Variants in ERBB3 observed in about 807,000 individuals in gnomAD.
ERBB3 encodes receptor tyrosine-protein kinase erbB-3.
A neutral mutation model predicts 156.7 loss-of-function variants in ERBB3; 96 were observed. The ratio of observed to expected loss-of-function variants is 0.61; its 90% confidence interval spans 0.52 to 0.73. The LOEUF (loss-of-function observed/expected upper bound fraction) is 0.73. ERBB3 is among the 30% of genes least tolerant of loss of function. The probability of loss-of-function intolerance (pLI) is 0.00; values close to 1 mark genes in which losing one functional copy is unlikely to be tolerated. For synonymous variants in ERBB3, 567 were observed against 632.0 expected (o/e 0.90, Z 1.54); for missense variants, 1,406 against 1,709.4 (o/e 0.82, Z 3.13).
At chr12:56,083,334 TAG>T in intron 1 of ERBB3, 2 of 332,696 alleles carry the variant, frequency 6.0e-6, no homozygotes, top group Non-Finnish European at 1.2e-5. Flanking sequence ...TTCCAGGACC[TAG>T]AGAGAGGCAG....
intron 1 of ERBB3, among the ~76,000 whole-genome samples, chr12:56,082,060 A>G (rs185233102): frequency 1.4e-3 from 206 of 152,226 alleles, no homozygotes; most frequent in Non-Finnish European, 2.2e-3. Context: ...GTAGCAGGGA[A>G]CTGGGCTACC....
intron 1 of ERBB3, chr12:56,083,235 T>C (rs570606716): frequency 2.3e-5 from 5 of 219,186 alleles, no homozygotes; most frequent in Middle Eastern, 1.9e-3. Flanking sequence ...GGCTGGACTG[T>C]GGCCCCAGGC....
At position 56,101,293 on chromosome 12, in the gene ERBB3, C is replaced by T. The variant is rs746015375; in HGVS notation, c.3434C>T (p.Pro1145Leu). The T allele has an allele frequency of 1.2e-6, 2 of 1,614,178 alleles. No homozygotes were observed. Among genetic ancestry groups the T allele is most frequent in the Non-Finnish European group, 1.7e-6 (2 of 1,180,032 alleles). ...CACAGTCTGCTGACTCCTGTTACCC[C>T]ACTCTCCCCACCCGGGTTAGAGGAA... ...QRHSLLTPVT[P>L]LSPPGLEEED... Residue 1145 changes from proline (P) to leucine (L), a missense_variant, in exon 27 of 28, where the codon CCA (proline) becomes CTA (leucine). This residue lies in a region of ERBB3 where 415 missense variants were observed against 454.1 expected (regional missense o/e 0.91). Coordinates refer to ENST00000267101, the MANE Select transcript of ERBB3 (RefSeq NM_001982.4).
intron 15 of ERBB3, 37 bp from the exon 16 acceptor site, chr12:56,095,220 C>G: frequency 6.5e-7 from 1 of 1,538,538 alleles, no homozygotes; most frequent in East Asian, 2.2e-5. Context: ...CCTCTGCTGT[C>G]CAAGCTCTCA....
At chr12:56,081,162 C>T (rs1440257614) in intron 1 of ERBB3, among the ~76,000 whole-genome samples, 5 of 152,194 alleles carry the variant, frequency 3.3e-5, no homozygotes, top group African/African-American at 1.2e-4. Context: ...ATCAAGAGGG[C>T]ACCTCTGCTA....
chr12:56,096,651 G>GT, intron 18 of ERBB3, 29 bp downstream of exon 18: 1 of 1,614,176 alleles, frequency 6.2e-7, no homozygotes, highest in Non-Finnish European at 8.5e-7. Context: ...TTCTGGAGAG[G>GT]TGGGGAAGGC....
chr12:56,089,478 T>A (rs1024742731), intron 9 of ERBB3, among the ~76,000 whole-genome samples: 2 of 152,158 alleles, frequency 1.3e-5, no homozygotes, highest in East Asian at 1.9e-4. Context: ...CTGGGCCCGG[T>A]GGCTCATGCC....
intron 1 of ERBB3, among the ~76,000 whole-genome samples, chr12:56,081,842 C>T (rs927503232): frequency 6.6e-6 from 1 of 152,090 alleles, no homozygotes; most frequent in African/African-American, 2.4e-5. Flanking sequence ...TGGCTCTATC[C>T]CACCCCTAGT....
rs1181410305 is a variant in ERBB3 at position 56,097,248 on chromosome 12, G to T, written c.2460+18G>T. On this transcript the variant is annotated intron_variant, in intron 20 of 27. Coordinates refer to ENST00000267101, the MANE Select transcript of ERBB3 (RefSeq NM_001982.4). ...TTGCCAAGGTGAGAGAAGCCTGGAG[G>T]AATTCTGTGATAAGAACTGCTTGTC... The T allele has an allele frequency of 6.2e-7, 1 of 1,612,228 alleles. No individual in the cohort carries two copies. Among genetic ancestry groups the T allele is most frequent in the Non-Finnish European group, 8.5e-7 (1 of 1,178,448 alleles).
chr12:56,092,813 G>C lies in ERBB3; in HGVS notation c.1176G>C (p.Glu392Asp). The change falls in exon 10 of 28, where the codon GAG becomes GAC. Residue 392 changes from glutamate (E) to aspartate (D), a missense_variant. Coordinates refer to ENST00000267101, the MANE Select transcript of ERBB3 (RefSeq NM_001982.4). The stretch of plus-strand genomic sequence containing the variant: ...TCAATGTCTTCCGGACAGTACGGGA[G>C]ATCACAGGTGAGTGGCAGAGAGTTT... ...EKLNVFRTVR[E>D]ITGYLNIQSW... The C allele has an allele frequency of 6.2e-7, 1 of 1,614,040 alleles. No homozygotes were observed. Among genetic ancestry groups the C allele is most frequent in the Non-Finnish European group, 8.5e-7 (1 of 1,179,872 alleles).
Position 56,100,015 on chromosome 12 carries a change from A to C in ERBB3, c.3115A>C (p.Asn1039His). Residue 1039 changes from asparagine to histidine, a missense_variant, in exon 25 of 28, where the codon AAT (asparagine) becomes CAT (histidine). Physicochemically the swap from Asn to His is moderately conservative, Grantham distance 68 (BLOSUM62 1). Transcript: ENST00000267101. ...SALSLPVGTL[N>H]RPRGSQSLLS... ...CCTCAGCCTACCAGTTGGAACACTT[A>C]ATCGGCCACGTGGGGTAAGACAACT... The C allele has an allele frequency of 6.2e-7, 1 of 1,614,242 alleles. No homozygotes were observed. The highest frequency in any genetic ancestry group is 1.3e-5 in the African/African-American group (1 of 75,068).
chr12:56,096,161 A>G, intron 17 of ERBB3: 1 of 507,732 alleles, frequency 2.0e-6, no homozygotes, highest in Non-Finnish European at 3.6e-6. Flanking sequence ...AAGGGGGATG[A>G]TGTATGTGAA....
At chr12:56,094,007 G>T in intron 13 of ERBB3, 92 bp from the exon 14 acceptor site, 1 of 1,562,752 alleles carries the variant, frequency 6.4e-7, no homozygotes, top group Non-Finnish European at 8.8e-7. Context: ...GTGCCTTGGT[G>T]GGATTGAGGT....
intron 25 of ERBB3, 49 bp from the exon 26 acceptor site, chr12:56,100,125 T>G: frequency 6.3e-7 from 1 of 1,587,166 alleles, no homozygotes; most frequent in Admixed American, 1.7e-5. Context: ...CCATGGTGAA[T>G]GTAGATTTCT....
Position 56,088,453 on chromosome 12 carries a change from G to T in ERBB3, c.875-90G>T, listed in dbSNP as rs113975857. ...ATGGGGACAAATCCAGTGCAGAGCT[G>T]GAGGGAGCCTAGGCCCAGAGCAAGG... On this transcript the variant is annotated intron_variant, in intron 7 of 27. Transcript: ENST00000267101. The T allele has an allele frequency of 2.2e-5, 23 of 1,043,460 alleles. 1 individual carries two copies. The African/African-American group carries it at 2.8e-4, about 13-fold the overall frequency. 64.6% of individuals were successfully genotyped at this position (1,043,460 alleles called of 1,614,324 possible).
Position 56,100,228 on chromosome 12 carries a change from C to A in ERBB3, c.3184C>A (p.Leu1062Ile). Residue 1062 changes from leucine (L) to isoleucine (I), a missense_variant, in exon 26 of 28, where the codon CTT becomes ATT. Physicochemically the swap from Leu to Ile is conservative, Grantham distance 5. Transcript: ENST00000267101. ...ATACATGCCCATGAACCAGGGTAAT[C>A]TTGGGGAGTCTTGCCAGGTAAGTTC... ...SGYMPMNQGN[L>I]GESCQESAVS... 6.2e-7 allele frequency: 1 copy of A among 1,613,870 alleles called. No individual in the cohort carries two copies.
At position 56,084,846 on chromosome 12, in the gene ERBB3, C is replaced by T. The variant is rs1048403033; in HGVS notation, c.235-149C>T. 4 of 1,343,760 alleles carry T rather than the reference C, an allele frequency of 3.0e-6. No individual in the cohort carries two copies. The South Asian group carries it at 4.0e-5, about 13-fold the overall frequency. 83.2% of individuals were successfully genotyped at this position (1,343,760 alleles called of 1,614,324 possible). A position where few individuals can be genotyped will look rare whatever the true frequency, so the allele number is the denominator to read the frequency against. On this transcript the variant is annotated intron_variant, in intron 2 of 27. Transcript: ENST00000267101. ...CTGGGCAACAAGAGCGTAACTCCGTCTCAAATTTTAAAAAAAAGAAAAAAA... is the reference window on the plus strand; with the variant it reads ...CTGGGCAACAAGAGCGTAACTCCGTTTCAAATTTTAAAAAAAAGAAAAAAA...
At chr12:56,081,547 G>T (rs1013475486) in intron 1 of ERBB3, among the ~76,000 whole-genome samples, 1 of 152,208 alleles carries the variant, frequency 6.6e-6, no homozygotes, top group South Asian at 2.1e-4. Context: ...GTGGAGGGGG[G>T]TGGTCTGGGG....
At position 56,085,062 on chromosome 12, in the gene ERBB3, A is replaced by G. The variant is rs201479792; in HGVS notation, c.302A>G (p.Asn101Ser). 54 of 1,613,840 alleles carry G rather than the reference A, an allele frequency of 3.3e-5. No homozygotes were observed. Among genetic ancestry groups the G allele is most frequent in the African/African-American group, 2.7e-5 (2 of 74,818 alleles). ...MNEFSTLPLP[N>S]LRVVRGTQVY... ...GAATTCTCTACTCTACCATTGCCCA[A>G]CCTCCGCGTGGTGCGAGGGACCCAG... is the stretch of plus-strand genomic sequence containing the variant. The change falls in exon 3 of 28, where the codon AAC (asparagine) becomes AGC (serine). Residue 101 changes from asparagine (N) to serine (S), a missense_variant. Physicochemically the swap from Asn to Ser is conservative, Grantham distance 46. Coordinates refer to ENST00000267101, the MANE Select transcript of ERBB3 (RefSeq NM_001982.4).
Sources: gnomAD v4.1 joint callset for allele counts (sites outside exome capture counted in the v4.1 genomes callset) on GRCh38, gnomAD v4.1.1 for gene constraint, gnomAD v4.1.1 regional missense constraint, MANE v1.5 for transcripts, NCBI Gene and HGNC (gene_info 2026-07-23, HGNC 2026-07-21) for gene names.